Variants in DDAH1 observed in about 807,000 individuals in gnomAD.
DDAH1 encodes the protein N(G),N(G)-dimethylarginine dimethylaminohydrolase 1.
A neutral mutation model predicts 28.8 loss-of-function variants in DDAH1; 19 were observed. The ratio of observed to expected loss-of-function variants is 0.66; its 90% CI spans 0.46 to 0.97. The LOEUF (loss-of-function observed/expected upper bound fraction) is 0.97, where lower values mean the gene tolerates loss of function less well. Among genes scored for constraint, DDAH1 ranks in the 50% least tolerant of loss-of-function variants. The probability of loss-of-function intolerance (pLI) is 0.00; values close to 1 mark genes in which losing one functional copy is unlikely to be tolerated. For missense variants in DDAH1, 326 were observed against 375.9 expected, an observed-to-expected ratio of 0.87 and a Z score of 1.10; for synonymous variants, 153 against 154.4, an observed-to-expected ratio of 0.99 and a Z score of 0.07.
At position 85,572,422 on chromosome 1, in the gene DDAH1, G is replaced by T. The variant is rs563424396; in HGVS notation, c.-123+5562C>A. Among the ~76,000 whole-genome samples, 6 of 152,238 alleles carry T rather than the reference G, an allele frequency of 3.9e-5. No homozygotes were observed. The East Asian group carries it at 1.2e-3, about 29-fold the overall frequency. On this transcript the variant is annotated intron_variant, in intron 1 of 6. Coordinates refer to the DDAH1 transcript ENST00000426972. ...GACAAATACCATGCTCTCCCCGAAA[G>T]GAATGGTCTTTGAAACAGGTATTCT...
At chr1:85,446,819 T>C (rs1323848349) in intron 1 of DDAH1, among the ~76,000 whole-genome samples, 1 of 152,106 alleles carries the variant, frequency 6.6e-6, no homozygotes, top group Non-Finnish European at 1.5e-5. Context: ...TTCCTCCTCC[T>C]TTCTTCTTCT....
intron 1 of DDAH1, among the ~76,000 whole-genome samples, chr1:85,373,293 G>A (rs189039028): frequency 2.6e-5 from 4 of 152,232 alleles, no homozygotes; most frequent in Admixed American, 2.6e-4. Flanking sequence ...AGTGCTCAAT[G>A]TCATTTAGAA....
At chr1:85,384,980 C>A (rs1651179788) in intron 1 of DDAH1, among the ~76,000 whole-genome samples, 1 of 152,144 alleles carries the variant, frequency 6.6e-6, no homozygotes, top group Non-Finnish European at 1.5e-5. Flanking sequence ...TTAAGGAGAC[C>A]TTTTATAACT....
chr1:85,410,550 A>G (rs896059004), intron 1 of DDAH1, among the ~76,000 whole-genome samples: 9 of 151,868 alleles, frequency 5.9e-5, no homozygotes, highest in African/African-American at 9.7e-5. Flanking sequence ...GAGGCAGGAG[A>G]ATCACTTGAA....
chr1:85,421,760 T>C (rs917873201), intron 1 of DDAH1, among the ~76,000 whole-genome samples: 1 of 152,212 alleles, frequency 6.6e-6, no homozygotes, highest in Non-Finnish European at 1.5e-5. Context: ...TCTGTGTCTT[T>C]TAAAGATTAC....
intron 4 of DDAH1, among the ~76,000 whole-genome samples, chr1:85,342,351 CAGTA>C (rs1421916625): frequency 2.6e-5 from 4 of 151,804 alleles, no homozygotes; most frequent in Non-Finnish European, 5.9e-5. Context: ...TATCTTCACA[CAGTA>C]AGATCAGGTC....
intron 1 of DDAH1, among the ~76,000 whole-genome samples, chr1:85,413,913 A>G (rs1652771034): frequency 6.6e-6 from 1 of 152,262 alleles, no homozygotes. Context: ...AGAAGTGGTT[A>G]TATCTATTGA....
intron 4 of DDAH1, among the ~76,000 whole-genome samples, chr1:85,334,702 T>C (rs233062): frequency 6.6e-6 from 1 of 152,006 alleles, no homozygotes; most frequent in Admixed American, 6.5e-5. Flanking sequence ...TTGTACAACC[T>C]GCAGAATTGT....
At chr1:85,416,626 T>C (rs575784578) in intron 1 of DDAH1, among the ~76,000 whole-genome samples, 1 of 152,318 alleles carries the variant, frequency 6.6e-6, no homozygotes, top group Non-Finnish European at 1.5e-5. Flanking sequence ...AATAGTGTGG[T>C]CAGACCTGGA....
chr1:85,541,946 T>C (rs2100786065), intron 1 of DDAH1, among the ~76,000 whole-genome samples: 1 of 152,336 alleles, frequency 6.6e-6, no homozygotes, highest in East Asian at 1.9e-4. Context: ...GAAATAAATG[T>C]ATGTTGTTGA....
intron 2 of DDAH1, among the ~76,000 whole-genome samples, chr1:85,479,993 A>T (rs1466133080): frequency 6.6e-6 from 1 of 152,268 alleles, no homozygotes; most frequent in Admixed American, 6.5e-5. Context: ...TTCAAAGAGC[A>T]CATGTCTGCT....
At chr1:85,330,486 T>A (rs552559756) in intron 4 of DDAH1, among the ~76,000 whole-genome samples, 1 of 152,332 alleles carries the variant, frequency 6.6e-6, no homozygotes, top group East Asian at 1.9e-4. Flanking sequence ...CCCCAGGGAC[T>A]GTACTTCCTG....
upstream of DDAH1, among the ~76,000 whole-genome samples, chr1:85,468,096 C>T (rs908103606): frequency 6.6e-6 from 1 of 152,170 alleles, no homozygotes; most frequent in African/African-American, 2.4e-5. Flanking sequence ...AAGGCATTTT[C>T]AAAGGACAGT....
At chr1:85,411,204 T>C (rs533371957) in intron 1 of DDAH1, among the ~76,000 whole-genome samples, 1 of 152,272 alleles carries the variant, frequency 6.6e-6, no homozygotes, top group East Asian at 1.9e-4. Flanking sequence ...AACAGACCAA[T>C]AACAGTTGAC....
chr1:85,342,368 G>A (rs1648549558), intron 4 of DDAH1, among the ~76,000 whole-genome samples: 1 of 151,050 alleles, frequency 6.6e-6, no homozygotes, highest in South Asian at 2.1e-4. Flanking sequence ...ATCAGGTCCT[G>A]TTGTTAGGTT....
At chr1:85,402,420 A>T (rs1652157528) in intron 1 of DDAH1, among the ~76,000 whole-genome samples, 2 of 152,140 alleles carry the variant, frequency 1.3e-5, no homozygotes, top group South Asian at 4.1e-4. Flanking sequence ...CTACTTGTCA[A>T]ACTATTCTTA....
chr1:85,462,041 T>C (rs1276897351), intron 1 of DDAH1, among the ~76,000 whole-genome samples: 1 of 152,112 alleles, frequency 6.6e-6, no homozygotes, highest in African/African-American at 2.4e-5. Flanking sequence ...GTTCAAAGAG[T>C]TGATGTGAGT....
At chr1:85,387,875 G>A (rs908425693) in intron 1 of DDAH1, among the ~76,000 whole-genome samples, 16 of 152,162 alleles carry the variant, frequency 1.1e-4, no homozygotes, top group African/African-American at 3.6e-4. Flanking sequence ...TTCTGACAAG[G>A]GCCTCAGGCT....
chr1:85,321,357 G>A lies in DDAH1; in HGVS notation c.*95C>T. 1.3e-6 allele frequency: 1 copy of A among 797,632 alleles called. No individual in the cohort carries two copies. Among genetic ancestry groups the A allele is most frequent in the South Asian group, 1.5e-5 (1 of 65,360 alleles). The allele number at this position is 797,632 out of a possible 1,614,324, so 49.4% of individuals were successfully genotyped here. Reference sequence around the variant, plus strand: ...GTAAACAAGAGTTAGTAGCACAGTGGCACAGTAGATTGTCAAGGAAAACAA... The same window carrying A: ...GTAAACAAGAGTTAGTAGCACAGTGACACAGTAGATTGTCAAGGAAAACAA... On this transcript the variant is annotated 3_prime_UTR_variant, in exon 6 of 6. Transcript: ENST00000284031.
Sources: allele counts gnomAD v4.1 joint callset (sites outside exome capture counted in the v4.1 genomes callset), GRCh38; gene constraint gnomAD v4.1.1; transcripts MANE v1.5; gene names NCBI Gene and HGNC (gene_info 2026-07-23, HGNC 2026-07-21).